The following SNAP91 variants were observed in gnomAD, a reference collection of about 807,000 sequenced individuals.
SNAP91 encodes synaptosome associated protein 91.
SNAP91 carries 27 observed loss-of-function variants against 100.3 expected under a neutral mutation model. The ratio of observed to expected loss-of-function variants is 0.27; its 90% confidence interval spans 0.20 to 0.37. The LOEUF is 0.37. SNAP91 is among the 10% of genes least tolerant of loss of function. SNAP91 has a pLI of 1.00. For missense variants in SNAP91, 986 were observed against 1,123.7 expected, an observed-to-expected ratio of 0.88 and a Z score of 1.75; for synonymous variants, 404 against 398.6, an observed-to-expected ratio of 1.01 and a Z score of -0.16.
chr6:83,639,434 T>C (rs1444700184), intron 8 of SNAP91, among the ~76,000 whole-genome samples: 1 of 152,196 alleles, frequency 6.6e-6, no homozygotes, highest in Non-Finnish European at 1.5e-5. Flanking sequence ...CTATTAAAAA[T>C]AATTTTGTAA....
chr6:83,579,240 A>G (rs1824400314), intron 24 of SNAP91, among the ~76,000 whole-genome samples: 1 of 152,148 alleles, frequency 6.6e-6, no homozygotes, highest in African/African-American at 2.4e-5. Context: ...AGCTGGGATC[A>G]TTCTCAAAGG....
At position 83,638,184 on chromosome 6, in the gene SNAP91, C is replaced by T. The variant is rs978806287; in HGVS notation, c.765+2912G>A. The stretch of plus-strand genomic sequence containing the variant: ...TACTGCAGCTGGCATGTGGTGGCTC[C>T]GAGCAGGTTTCCCGGCTTCCTCCCT... On this transcript the variant is annotated intron_variant, in intron 8 of 29. Transcript: ENST00000369694. Among the ~76,000 whole-genome samples, 8 of 152,126 alleles carry T rather than the reference C, an allele frequency of 5.3e-5. No individual in the cohort carries two copies. In the East Asian group the frequency reaches 9.6e-4, roughly 18 times the overall value.
chr6:83,600,438 A>G (rs1275967620), intron 16 of SNAP91, among the ~76,000 whole-genome samples: 1 of 152,198 alleles, frequency 6.6e-6, no homozygotes, highest in Non-Finnish European at 1.5e-5. Flanking sequence ...TTATATGGTA[A>G]TGAAGATACA....
intron 9 of SNAP91, among the ~76,000 whole-genome samples, chr6:83,620,624 C>G (rs1030016859): frequency 6.6e-6 from 1 of 152,092 alleles, no homozygotes; most frequent in African/African-American, 2.4e-5. Flanking sequence ...ACTCACAACC[C>G]CAAAAGAAAC....
intron 7 of SNAP91, among the ~76,000 whole-genome samples, chr6:83,645,717 G>C (rs925586509): frequency 2.6e-5 from 4 of 152,090 alleles, no homozygotes; most frequent in Non-Finnish European, 4.4e-5. Flanking sequence ...CAGGAGTGGT[G>C]GTGCGTGTCT....
At chr6:83,679,971 T>C (rs1158658317) in intron 2 of SNAP91, among the ~76,000 whole-genome samples, 2 of 152,120 alleles carry the variant, frequency 1.3e-5, no homozygotes, top group African/African-American at 2.4e-5. Context: ...ATCTTTCCCA[T>C]AGCACAGATA....
intron 2 of SNAP91, among the ~76,000 whole-genome samples, chr6:83,706,238 C>T (rs1007955996): frequency 3.9e-5 from 6 of 152,066 alleles, no homozygotes; most frequent in African/African-American, 1.2e-4. Flanking sequence ...TAACCTATAC[C>T]TTTCTTATTA....
intron 16 of SNAP91, among the ~76,000 whole-genome samples, chr6:83,598,796 C>T (rs1299875383): frequency 3.3e-5 from 5 of 151,780 alleles, no homozygotes; most frequent in African/African-American, 1.2e-4. Context: ...TCTTAAAAAC[C>T]AATGAAGGCA....
intron 24 of SNAP91, among the ~76,000 whole-genome samples, chr6:83,578,421 T>G (rs1822927259): frequency 6.6e-6 from 1 of 152,148 alleles, no homozygotes; most frequent in Admixed American, 6.6e-5. Flanking sequence ...GGGTATAAAG[T>G]GATATCTTAT....
chr6:83,622,444 T>C (rs1207451701), intron 9 of SNAP91, among the ~76,000 whole-genome samples: 1 of 48,870 alleles, frequency 2.0e-5, no homozygotes, highest in Non-Finnish European at 3.7e-5. Context: ...TATCTTTCAT[T>C]ATGACAATTT....
intron 8 of SNAP91, among the ~76,000 whole-genome samples, chr6:83,631,631 T>C (rs2097208382): frequency 6.6e-6 from 1 of 152,174 alleles, no homozygotes; most frequent in Non-Finnish European, 1.5e-5. Context: ...AAAGTTTGTA[T>C]TGTCTGATAT....
At chr6:83,559,165 T>C (rs903016254) in intron 28 of SNAP91, among the ~76,000 whole-genome samples, 2 of 152,022 alleles carry the variant, frequency 1.3e-5, no homozygotes, top group African/African-American at 4.8e-5. Context: ...TGACTCAGAG[T>C]GGAGGCAGAA....
intron 26 of SNAP91, among the ~76,000 whole-genome samples, chr6:83,563,768 T>A (rs935850920): frequency 1.3e-5 from 2 of 152,150 alleles, no homozygotes; most frequent in African/African-American, 2.4e-5. Flanking sequence ...TATAATAGCA[T>A]CAACAATAAA....
chr6:83,613,386 A>C (rs2096274593), intron 11 of SNAP91, among the ~76,000 whole-genome samples: 1 of 152,332 alleles, frequency 6.6e-6, no homozygotes, highest in Admixed American at 6.5e-5. Context: ...ATAATCAATA[A>C]ATTAACCAGA....
chr6:83,556,282 GA>G, intron 28 of SNAP91, 37 bp from the exon 29 acceptor site: 1 of 917,188 alleles, frequency 1.1e-6, no homozygotes, highest in Non-Finnish European at 1.5e-6. Context: ...AGCAGGAATA[GA>G]AAGCAGAGAG....
Position 83,591,229 on chromosome 6 carries a change from A to G in SNAP91, c.1996T>C (p.Ser666Pro). 1.2e-6 allele frequency: 2 copies of G among 1,611,002 alleles called. No homozygotes were observed. ...TAATTACCAGCTAGTAGGTCTGCCGATGCTGATGAACTAGAAGCAGCCTGA... is the reference window on the plus strand; with the variant it reads ...TAATTACCAGCTAGTAGGTCTGCCGGTGCTGATGAACTAGAAGCAGCCTGA... The part of the protein sequence containing the change: ...ASQAASSSSA[S>P]ADLLAGFGGS... The change falls in exon 22 of 30, where the codon TCG becomes CCG. Residue 666 changes from serine (S) to proline (P), a missense_variant. This residue lies in a region of SNAP91 where 575 missense variants were observed against 579.9 expected (regional missense o/e 0.99). Coordinates refer to ENST00000369694, the MANE Select transcript of SNAP91 (RefSeq NM_001242792.2).
At chr6:83,575,169 C>T (rs777664568) in intron 25 of SNAP91, 48 bp from the exon 26 acceptor site, 5 of 1,333,192 alleles carry the variant, frequency 3.8e-6, no homozygotes, top group Non-Finnish European at 3.2e-6. Flanking sequence ...AATCACAAAT[C>T]AGAAAAAAAT....
chr6:83,600,916 C>A (rs181098180), intron 16 of SNAP91, among the ~76,000 whole-genome samples: 1 of 152,186 alleles, frequency 6.6e-6, no homozygotes, highest in Admixed American at 6.5e-5. Context: ...CTAATCTGGC[C>A]GAAAAGCTAA....
intron 22 of SNAP91, among the ~76,000 whole-genome samples, chr6:83,583,485 G>A (rs1179252456): frequency 6.6e-6 from 1 of 152,102 alleles, no homozygotes; most frequent in African/African-American, 2.4e-5. Flanking sequence ...ATCCTTTGAC[G>A]GCTGGAAGCA....
Sources: gnomAD v4.1 joint callset for allele counts (sites outside exome capture counted in the v4.1 genomes callset) on GRCh38, gnomAD v4.1.1 for gene constraint, gnomAD v4.1.1 regional missense constraint, MANE v1.5 for transcripts, NCBI Gene and HGNC (gene_info 2026-07-23, HGNC 2026-07-21) for gene names.